The following KHDRBS3 variants were observed in gnomAD, a reference collection of about 807,000 sequenced individuals.
KHDRBS3 encodes the protein KH domain-containing, RNA-binding, signal transduction-associated protein 3.
KHDRBS3 carries 23 observed loss-of-function variants against 45.6 expected under a neutral mutation model. The observed-to-expected ratio is 0.50, with a 90% CI of 0.36 to 0.72. The LOEUF (loss-of-function observed/expected upper bound fraction) is 0.72, where lower values mean the gene tolerates loss of function less well. KHDRBS3 is among the 30% of genes least tolerant of loss of function. The pLI, the probability that KHDRBS3 is intolerant of heterozygous loss-of-function variation, is 0.00. For missense variants in KHDRBS3, 352 were observed against 424.8 expected (o/e 0.83, Z 1.51); for synonymous variants, 162 against 156.5 (o/e 1.04, Z -0.26).
In KHDRBS3 at chr8:135,457,524, G is replaced by T; in HGVS notation, c.-343G>T. The T allele has an allele frequency of 6.8e-6, 1 of 147,066 alleles. No individual in the cohort carries two copies. The highest frequency in any genetic ancestry group is 2.0e-4 in the South Asian group (1 of 5,036). 9.1% of individuals were successfully genotyped at this position (147,066 alleles called of 1,614,324 possible). On this transcript the variant is annotated 5_prime_UTR_variant, in exon 1 of 9. Transcript: ENST00000355849. This position sits in a 1 kb window ranked among gnomAD's most constrained non-coding sequence, Gnocchi z 4.4. ...CTCGGGTGCTGGCAGGTGCTGGCGGGACTGGCGGGGATCGCCGTGGACTGC... is the reference window on the plus strand; with the variant it reads ...CTCGGGTGCTGGCAGGTGCTGGCGGTACTGGCGGGGATCGCCGTGGACTGC...
chr8:135,573,427 G>T (rs1273725893), intron 5 of KHDRBS3, among the ~76,000 whole-genome samples: 2 of 152,218 alleles, frequency 1.3e-5, no homozygotes, highest in East Asian at 3.8e-4. Flanking sequence ...CAAAAGGAAA[G>T]TATCAGGACA....
At chr8:135,462,083 T>G (rs1821458045) in intron 1 of KHDRBS3, among the ~76,000 whole-genome samples, 1 of 152,086 alleles carries the variant, frequency 6.6e-6, no homozygotes, top group South Asian at 2.1e-4. Flanking sequence ...TGCTTGAATG[T>G]CACAGACTTG....
chr8:135,598,803 A>G (rs767272690), intron 6 of KHDRBS3, among the ~76,000 whole-genome samples: 28 of 152,204 alleles, frequency 1.8e-4, no homozygotes, highest in Non-Finnish European at 3.5e-4. Context: ...CTCAAATTAT[A>G]AGACTAAGCT....
chr8:135,585,242 A>AG (rs1193498077), intron 6 of KHDRBS3, among the ~76,000 whole-genome samples: 6 of 151,814 alleles, frequency 4.0e-5, no homozygotes, highest in East Asian at 1.9e-4. Flanking sequence ...AAAAAAAAAA[A>AG]AAAAAGAAAA....
intron 2 of KHDRBS3, among the ~76,000 whole-genome samples, chr8:135,526,231 A>T (rs1414728329): frequency 1.3e-5 from 2 of 152,156 alleles, no homozygotes; most frequent in African/African-American, 4.8e-5. Context: ...TTGACTCATA[A>T]CATCAATAAA....
intron 7 of KHDRBS3, among the ~76,000 whole-genome samples, chr8:135,640,590 G>T (rs904906137): frequency 1.5e-4 from 23 of 152,146 alleles, no homozygotes; most frequent in Admixed American, 1.5e-3. Context: ...TGATGGAATT[G>T]ATGTAAACCT....
chr8:135,508,034 T>G (rs905791732), intron 1 of KHDRBS3, among the ~76,000 whole-genome samples: 2 of 152,226 alleles, frequency 1.3e-5, no homozygotes, highest in Non-Finnish European at 2.9e-5. Flanking sequence ...TTTAATATCA[T>G]CATACGGAAA....
chr8:135,540,306 A>T (rs906405832), intron 2 of KHDRBS3: 1 of 152,230 alleles, frequency 6.6e-6, no homozygotes, highest in South Asian at 2.1e-4. Context: ...GAATTCAACC[A>T]GAAACATGTT....
chr8:135,532,498 T>C (rs1825528635), intron 2 of KHDRBS3, among the ~76,000 whole-genome samples: 1 of 152,164 alleles, frequency 6.6e-6, no homozygotes. Flanking sequence ...TGCTAATACA[T>C]TTGGGTGCTG....
chr8:135,547,434 A>T (rs1157732145), intron 3 of KHDRBS3, among the ~76,000 whole-genome samples: 28 of 152,198 alleles, frequency 1.8e-4, no homozygotes, highest in Admixed American at 1.8e-3. Flanking sequence ...TGCTACCAAT[A>T]AACAGATTTT....
chr8:135,622,470 C>CT (rs1398749423), intron 7 of KHDRBS3, among the ~76,000 whole-genome samples: 27 of 152,060 alleles, frequency 1.8e-4, no homozygotes, highest in African/African-American at 6.0e-4. Context: ...ATTTGCTGCC[C>CT]TAACATTGTG....
At chr8:135,623,206 A>T (rs1227893709) in intron 7 of KHDRBS3, among the ~76,000 whole-genome samples, 3 of 152,256 alleles carry the variant, frequency 2.0e-5, no homozygotes, top group Non-Finnish European at 4.4e-5. Context: ...GCCAGAAAAA[A>T]ATAAGCGATA....
chr8:135,511,618 C>T (rs1383448474), intron 1 of KHDRBS3, among the ~76,000 whole-genome samples: 7 of 152,166 alleles, frequency 4.6e-5, no homozygotes, highest in East Asian at 3.9e-4. Context: ...TGCAGTGGCG[C>T]GATCTCGGCT....
intron 7 of KHDRBS3, among the ~76,000 whole-genome samples, chr8:135,616,381 A>G (rs1424524889): frequency 6.6e-6 from 1 of 152,224 alleles, no homozygotes; most frequent in Non-Finnish European, 1.5e-5. Context: ...TGGGATCTTC[A>G]TGCATGATCT....
intron 6 of KHDRBS3, 35 bp from the exon 7 acceptor site, chr8:135,606,920 C>T (rs1198599772): frequency 6.6e-7 from 1 of 1,516,332 alleles, no homozygotes; most frequent in East Asian, 2.3e-5. Context: ...AGAAACTTCT[C>T]TGAATGTTTT....
intron 6 of KHDRBS3, among the ~76,000 whole-genome samples, chr8:135,600,436 A>T (rs975287803): frequency 6.6e-6 from 1 of 152,116 alleles, no homozygotes; most frequent in Non-Finnish European, 1.5e-5. Flanking sequence ...TGGGTGTGAG[A>T]TAGATTTAGG....
rs1824914507 is a variant in KHDRBS3, at chr8:135,521,622, TTC to T, written c.207+268_207+269del. ...CTCTTCAACTTCTTTCCACTTCAGT[TTC>T]CTCATTTGTAATATGAGGTTGGATG... On this transcript the variant is annotated intron_variant, in intron 2 of 8. Transcript: ENST00000355849. Among the ~76,000 whole-genome samples, 3 of 152,348 alleles carry T rather than the reference TTC, an allele frequency of 2.0e-5. No individual in the cohort carries two copies. The South Asian group carries it at 6.2e-4, about 32-fold the overall frequency.
intron 7 of KHDRBS3, among the ~76,000 whole-genome samples, chr8:135,628,536 A>G (rs1319590082): frequency 6.6e-6 from 1 of 152,264 alleles, no homozygotes; most frequent in Non-Finnish European, 1.5e-5. Context: ...GATAAATTGC[A>G]TAGAATACAT....
At chr8:135,610,489 C>G (rs1829663902) in intron 7 of KHDRBS3, among the ~76,000 whole-genome samples, 1 of 151,728 alleles carries the variant, frequency 6.6e-6, no homozygotes, top group Non-Finnish European at 1.5e-5. Flanking sequence ...TTGTGCTAGG[C>G]ATTATGCTTG....
Sources: gnomAD v4.1 joint callset for allele counts (sites outside exome capture counted in the v4.1 genomes callset) on GRCh38, gnomAD v4.1.1 for gene constraint, Gnocchi (gnomAD v3.1) non-coding constraint, MANE v1.5 for transcripts, NCBI Gene and HGNC (gene_info 2026-07-23, HGNC 2026-07-21) for gene names.